The following REL variants were observed in gnomAD, a reference collection of about 807,000 sequenced individuals.
REL encodes the protein proto-oncogene c-Rel.
A neutral mutation model predicts 45.9 loss-of-function variants in REL; 15 were observed. The ratio of observed to expected loss-of-function variants is 0.33; its 90% CI spans 0.22 to 0.50. REL has a LOEUF of 0.50. Ranked by LOEUF, REL falls within the 20% of genes least tolerant of loss-of-function variation. The probability of loss-of-function intolerance (pLI) is 0.98; values close to 1 mark genes in which losing one functional copy is unlikely to be tolerated. For missense variants in REL, 601 were observed against 715.2 expected, an observed-to-expected ratio of 0.84 and a Z score of 1.82; for synonymous variants, 239 against 242.1, an observed-to-expected ratio of 0.99 and a Z score of 0.12.
chr2:60,882,462 G>A (rs1352543335), intron 1 of REL, among the ~76,000 whole-genome samples: 1 of 152,156 alleles, frequency 6.6e-6, no homozygotes, highest in Admixed American at 6.5e-5. Flanking sequence ...ATAACCAGAG[G>A]TCAGGAGTTT....
intron 2 of REL, among the ~76,000 whole-genome samples, chr2:60,893,655 T>C (rs1167730074): frequency 6.6e-6 from 1 of 152,222 alleles, no homozygotes; most frequent in Non-Finnish European, 1.5e-5. Flanking sequence ...TCAAATTCTA[T>C]TTAAATTCAA....
chr2:60,893,470 ACTTTT>A (rs1401942966), intron 2 of REL, among the ~76,000 whole-genome samples: 1 of 152,200 alleles, frequency 6.6e-6, no homozygotes, highest in Non-Finnish European at 1.5e-5. Context: ...TCATTTTTAA[ACTTTT>A]CTTCATAATT....
chr2:60,884,673 A>G (rs1673027812), intron 1 of REL, among the ~76,000 whole-genome samples: 1 of 152,168 alleles, frequency 6.6e-6, no homozygotes, highest in African/African-American at 2.4e-5. Flanking sequence ...AGCTCTGTTA[A>G]CTAATAATTA....
intron 2 of REL, 124 bp downstream of exon 2, chr2:60,891,949 T>C (rs1673226248): frequency 1.8e-5 from 8 of 441,934 alleles, no homozygotes; most frequent in Non-Finnish European, 2.4e-5. Context: ...TCTTTTTTCC[T>C]TTTTTTTTTT....
intron 4 of REL, 66 bp downstream of exon 4, chr2:60,901,149 TC>T (rs879121526): frequency 2.4e-5 from 24 of 1,006,038 alleles, no homozygotes; most frequent in South Asian, 5.9e-5. Context: ...TTTTTCTTTC[TC>T]TTTTTTTTTT....
chr2:60,896,891 T>C (rs2103938254), intron 3 of REL, among the ~76,000 whole-genome samples: 1 of 152,324 alleles, frequency 6.6e-6, no homozygotes, highest in South Asian at 2.1e-4. Flanking sequence ...CATTAAGGAT[T>C]ACACACTATA....
chr2:60,881,735 G>C lies in REL; in HGVS notation c.-106G>C, dbSNP rs1479936009. On this transcript the variant is annotated 5_prime_UTR_variant, in exon 1 of 10. Coordinates refer to ENST00000394479, the MANE Select transcript of REL (RefSeq NM_001291746.2). ...AGGCCTCTAGGGTGGTCGGGGGACTGGGGGCCCCGCCGGCAGAGGTCCCTC... is the reference window on the plus strand; with the variant it reads ...AGGCCTCTAGGGTGGTCGGGGGACTCGGGGCCCCGCCGGCAGAGGTCCCTC... The C allele has an allele frequency of 2.0e-6, 2 of 1,010,866 alleles. No individual in the cohort carries two copies. The highest frequency in any genetic ancestry group is 3.3e-5 in the African/African-American group (2 of 60,348). 62.6% of individuals were successfully genotyped at this position (1,010,866 alleles called of 1,614,324 possible). A position where few individuals can be genotyped will look rare whatever the true frequency, so the allele number is the denominator to read the frequency against.
intron 1 of REL, among the ~76,000 whole-genome samples, chr2:60,882,066 G>C (rs1214181082): frequency 1.3e-5 from 2 of 152,334 alleles, no homozygotes; most frequent in African/African-American, 4.8e-5. Flanking sequence ...TGTTGTCATA[G>C]CAGGAACCTT....
In REL at chr2:60,927,616, A is replaced by G. The variant is rs1674297464; in HGVS notation, c.*5081A>G. The G allele has an allele frequency of 4.3e-6, 1 of 230,156 alleles. No individual in the cohort carries two copies. The highest frequency in any genetic ancestry group is 1.8e-4 in the South Asian group (1 of 5,514). 14.3% of individuals were successfully genotyped at this position (230,156 alleles called of 1,614,324 possible). A position where few individuals can be genotyped will look rare whatever the true frequency, so the allele number is the denominator to read the frequency against. On this transcript the variant is annotated 3_prime_UTR_variant, in exon 10 of 10. Coordinates refer to ENST00000394479, the MANE Select transcript of REL (RefSeq NM_001291746.2). ...CCAGTATTGATGCAGTCAATCTTGT[A>G]TAACATTTTTTGAATGTCCAATGTG...
At chr2:60,917,858 T>C (rs1175742923) in intron 5 of REL, among the ~76,000 whole-genome samples, 2 of 151,972 alleles carry the variant, frequency 1.3e-5, no homozygotes, top group Non-Finnish European at 2.9e-5. Flanking sequence ...TGTATTGCCA[T>C]AGGGAAAATT....
chr2:60,909,581 C>G (rs1024450275), intron 4 of REL, among the ~76,000 whole-genome samples: 3 of 152,098 alleles, frequency 2.0e-5, no homozygotes, highest in Non-Finnish European at 4.4e-5. Context: ...CATGAGCCAC[C>G]ATGCCCGACT....
intron 9 of REL, among the ~76,000 whole-genome samples, chr2:60,921,339 T>C (rs1674135469): frequency 6.6e-6 from 1 of 152,190 alleles, no homozygotes. Context: ...TATTTTCTTA[T>C]CCCTAATGAG....
intron 4 of REL, 67 bp downstream of exon 4, chr2:60,901,150 CTTTTTTTTTTT>C: frequency 8.8e-6 from 8 of 913,506 alleles, no homozygotes; most frequent in South Asian, 2.2e-5. Flanking sequence ...TTTTCTTTCT[CTTTTTTTTTTT>C]TTTTTTTTTT....
intron 4 of REL, among the ~76,000 whole-genome samples, chr2:60,907,674 G>A (rs1199739919): frequency 3.3e-5 from 5 of 151,352 alleles, no homozygotes; most frequent in African/African-American, 4.9e-5. Flanking sequence ...ATAAATGGAC[G>A]AACATGTCAT....
chr2:60,922,801 T>G lies in REL; in HGVS notation c.*266T>G, dbSNP rs1016907728. 29 of 997,126 alleles carry G rather than the reference T, an allele frequency of 2.9e-5. No individual in the cohort carries two copies. The highest frequency in any genetic ancestry group is 1.5e-4 in the Admixed American group (3 of 19,694). The allele number at this position is 997,126 out of a possible 1,614,324, so 61.8% of individuals were successfully genotyped here. On this transcript the variant is annotated 3_prime_UTR_variant, in exon 10 of 10. Coordinates refer to ENST00000394479, the MANE Select transcript of REL (RefSeq NM_001291746.2). ...GCTCACACCTGTAATCCTAGCACTT[T>G]GGGAGGCCAAGGCGGGTGGATCACT...
At chr2:60,903,893 C>G (rs1673564768) in intron 4 of REL, among the ~76,000 whole-genome samples, 1 of 152,042 alleles carries the variant, frequency 6.6e-6, no homozygotes, top group Non-Finnish European at 1.5e-5. Context: ...TTTCAAACTC[C>G]TGGGGTCCAG....
chr2:60,913,710 TGTGG>T (rs1373676673), intron 4 of REL, among the ~76,000 whole-genome samples: 1 of 152,220 alleles, frequency 6.6e-6, no homozygotes, highest in Non-Finnish European at 1.5e-5. Flanking sequence ...CATTCTGAAC[TGTGG>T]GTTTTCTTCT....
intron 1 of REL, among the ~76,000 whole-genome samples, chr2:60,886,649 T>TC (rs1673079078): frequency 6.6e-6 from 1 of 152,160 alleles, no homozygotes. Context: ...AGCTTTTTTT[T>TC]CTGTATACTT....
intron 3 of REL, chr2:60,900,780 C>T: frequency 2.2e-6 from 1 of 454,732 alleles, no homozygotes. Flanking sequence ...GCCTTGGCCT[C>T]CCAAAGTGCT....
Sources: allele counts gnomAD v4.1 joint callset (sites outside exome capture counted in the v4.1 genomes callset), GRCh38; gene constraint gnomAD v4.1.1; transcripts MANE v1.5; gene names NCBI Gene and HGNC (gene_info 2026-07-23, HGNC 2026-07-21).